The following SPTBN1 variants were observed in gnomAD, a reference collection of about 807,000 sequenced individuals.
SPTBN1 encodes spectrin beta, non-erythrocytic 1, also known as spectrin beta chain, non-erythrocytic 1.
In SPTBN1, 32 loss-of-function variants were observed where a neutral mutation model predicts 266.4. The observed-to-expected ratio is 0.12, with a 90% confidence interval of 0.09 to 0.16. The LOEUF is 0.16. Ranked by LOEUF, SPTBN1 falls within the 10% of genes least tolerant of loss-of-function variation. SPTBN1 has a pLI of 1.00. For synonymous variants in SPTBN1, 1,336 were observed against 1,162.2 expected (o/e 1.15, Z -3.04); for missense variants, 2,296 against 3,067.1 (o/e 0.75, Z 5.94).
At chr2:54,633,005 G>T (rs1678857632) in intron 17 of SPTBN1, among the ~76,000 whole-genome samples, 1 of 152,176 alleles carries the variant, frequency 6.6e-6, no homozygotes, top group Non-Finnish European at 1.5e-5. Flanking sequence ...AGCCTGAGAA[G>T]CCAAGCTAAT....
intron 2 of SPTBN1, among the ~76,000 whole-genome samples, chr2:54,581,842 T>TTGC (rs1049041586): frequency 6.6e-6 from 1 of 152,224 alleles, no homozygotes; most frequent in African/African-American, 2.4e-5. Flanking sequence ...AACATTTTTG[T>TTGC]TGCTGCTGCT....
chr2:54,532,151 TGGTG>T (rs1361649605), intron 2 of SPTBN1, among the ~76,000 whole-genome samples: 1 of 151,898 alleles, frequency 6.6e-6, no homozygotes, highest in African/African-American at 2.4e-5. Flanking sequence ...TAGCTGGGCG[TGGTG>T]GCGGGCGCCT....
intron 30 of SPTBN1, 82 bp downstream of exon 30, chr2:54,658,128 C>G (rs2104194534): frequency 1.3e-6 from 2 of 1,525,200 alleles, no homozygotes; most frequent in Middle Eastern, 4.0e-4. Context: ...AGGGAATTCA[C>G]ACGATTGCTT....
chr2:54,554,306 G>A lies in SPTBN1; in HGVS notation c.148+27740G>A, dbSNP rs1253780835. Among the ~76,000 whole-genome samples, 1 of 152,354 alleles carries A rather than the reference G, an allele frequency of 6.6e-6. No individual in the cohort carries two copies. The highest frequency in any genetic ancestry group is 1.5e-5 in the Non-Finnish European group (1 of 68,036). Reference sequence around the variant, plus strand: ...CATGTGTTGGTTGTGCCACTCACCAGCTGGGGCCCTGGGCAAGGCACTGTA... The same window carrying A: ...CATGTGTTGGTTGTGCCACTCACCAACTGGGGCCCTGGGCAAGGCACTGTA... On this transcript the variant is annotated intron_variant, in intron 2 of 35. Coordinates refer to ENST00000356805, the MANE Select transcript of SPTBN1 (RefSeq NM_003128.3). This position sits in a 1 kb window ranked among gnomAD's most constrained non-coding sequence, Gnocchi z 4.5.
At chr2:54,627,092 A>G (rs555884772) in intron 12 of SPTBN1, among the ~76,000 whole-genome samples, 122 of 151,786 alleles carry the variant, frequency 8.0e-4, no homozygotes, top group African/African-American at 2.8e-3. Flanking sequence ...ACCTTATGCA[A>G]GAGATTCCCT....
At chr2:54,584,645 C>T (rs1470598958) in intron 2 of SPTBN1, among the ~76,000 whole-genome samples, 4 of 152,158 alleles carry the variant, frequency 2.6e-5, no homozygotes, top group African/African-American at 9.7e-5. Flanking sequence ...TATAAGTTTC[C>T]AGCCCTTCCC....
Position 54,493,133 on chromosome 2 carries a change from G to A in SPTBN1, c.-47-33239G>A, listed in dbSNP as rs540288118. 4.0e-5 allele frequency among the ~76,000 whole-genome samples: 6 copies of A among 150,016 alleles called. No homozygotes were observed. The East Asian group carries it at 6.0e-4, about 15-fold the overall frequency. On this transcript the variant is annotated intron_variant, in intron 1 of 35. Transcript: ENST00000356805. ...GGATTCTCCCACCTCAGCCTGCTGC[G>A]TATCTGGGACCACAGGCACACACCA...
In SPTBN1 at chr2:54,631,527, C is replaced by T. The variant is rs2229503; in HGVS notation, c.3480C>T (p.Asn1160=). 269,732 of 1,614,076 alleles carry T rather than the reference C, an allele frequency of 0.17. 23,904 individuals are homozygous for T. Among genetic ancestry groups the T allele is most frequent in the Non-Finnish European group, 0.19 (220,787 of 1,180,014 alleles). ...ACGAGCTCCACAAGATGTGGGAGAACAGACAAAATCTCCTATCCCAGTCAC... is the reference window on the plus strand; with the variant it reads ...ACGAGCTCCACAAGATGTGGGAGAATAGACAAAATCTCCTATCCCAGTCAC... ...GWNELHKMWE[N]RQNLLSQSHA... Residue 1160 remains asparagine (N), a synonymous_variant, in exon 16 of 36, where the codon AAC becomes AAT. Transcript: ENST00000356805.
chr2:54,655,012 C>T, intron 27 of SPTBN1, 58 bp from the exon 28 acceptor site: 1 of 1,556,860 alleles, frequency 6.4e-7, no homozygotes, highest in East Asian at 2.3e-5. Flanking sequence ...GTTTTAAAAC[C>T]TACACATTTT....
chr2:54,667,824 T>C (rs1681464263), intron 35 of SPTBN1, among the ~76,000 whole-genome samples, 178 bp downstream of exon 35: 1 of 152,198 alleles, frequency 6.6e-6, no homozygotes, highest in African/African-American at 2.4e-5. Context: ...GCAGTGAATA[T>C]GATCTCACTG....
At chr2:54,625,871 A>G in intron 11 of SPTBN1, 61 bp from the exon 12 acceptor site, 1 of 1,540,746 alleles carries the variant, frequency 6.5e-7, no homozygotes, top group Admixed American at 1.9e-5. Flanking sequence ...GATTACAAGC[A>G]TGAGCTACTG....
chr2:54,655,232 G>C (rs1405818359), intron 28 of SPTBN1, 24 bp downstream of exon 28: 7 of 1,607,426 alleles, frequency 4.4e-6, no homozygotes, highest in Non-Finnish European at 5.9e-6. Context: ...TTGCTTTGGA[G>C]CTGCAGCTGG....
At chr2:54,569,079 G>A (rs934717731) in intron 2 of SPTBN1, among the ~76,000 whole-genome samples, 3 of 152,188 alleles carry the variant, frequency 2.0e-5, no homozygotes, top group African/African-American at 7.2e-5. Context: ...GTTTGTAGGT[G>A]AAACTTTAAA....
At position 54,540,653 on chromosome 2, in the gene SPTBN1, C is replaced by T. The variant is rs908366365; in HGVS notation, c.148+14087C>T. 1 of 152,204 alleles carries T rather than the reference C, an allele frequency of 6.6e-6. No individual in the cohort carries two copies. The highest frequency in any genetic ancestry group is 1.5e-5 in the Non-Finnish European group (1 of 68,046). The allele number at this position is 152,204 out of a possible 1,614,324, so 9.4% of individuals were successfully genotyped here. A position where few individuals can be genotyped will look rare whatever the true frequency, so the allele number is the denominator to read the frequency against. ...TCAGTAGAGGGCATCTCTAAAGAAACTATCTCCCCAAGGTTGGCCTGCAGT... is the reference window on the plus strand; with the variant it reads ...TCAGTAGAGGGCATCTCTAAAGAAATTATCTCCCCAAGGTTGGCCTGCAGT... On this transcript the variant is annotated intron_variant, in intron 2 of 35. Transcript: ENST00000356805. This position sits in a 1 kb window ranked among gnomAD's most constrained non-coding sequence, Gnocchi z 5.6.
chr2:54,630,311 A>G (rs768576062), intron 15 of SPTBN1, among the ~76,000 whole-genome samples: 1 of 152,236 alleles, frequency 6.6e-6, no homozygotes, highest in Non-Finnish European at 1.5e-5. Flanking sequence ...CCAGTGTAGA[A>G]GGTATTAAGA....
At chr2:54,659,906 C>A in intron 31 of SPTBN1, 30 bp from the exon 32 acceptor site, 3 of 1,608,168 alleles carry the variant, frequency 1.9e-6, no homozygotes, top group Non-Finnish European at 2.6e-6. Context: ...TCTTCCTTTC[C>A]CTTCCTCCTT....
intron 33 of SPTBN1, among the ~76,000 whole-genome samples, chr2:54,665,518 T>G (rs1337844897): frequency 6.6e-6 from 1 of 152,208 alleles, no homozygotes; most frequent in East Asian, 1.9e-4. Flanking sequence ...AATCCGCAGC[T>G]GGAGGAGCTG....
At chr2:54,663,683 G>C (rs1030767376) in intron 32 of SPTBN1, 1 of 152,318 alleles carries the variant, frequency 6.6e-6, no homozygotes, top group Non-Finnish European at 1.5e-5. Flanking sequence ...TTCTGTCTTT[G>C]TTTGGGGGTA....
At chr2:54,466,262 A>T (rs966332121) in intron 1 of SPTBN1, among the ~76,000 whole-genome samples, 1 of 152,210 alleles carries the variant, frequency 6.6e-6, no homozygotes, top group Non-Finnish European at 1.5e-5. Context: ...ATCAATTAGT[A>T]TGAAATTTAG....
Sources: gnomAD v4.1 joint callset for allele counts (sites outside exome capture counted in the v4.1 genomes callset) on GRCh38, gnomAD v4.1.1 for gene constraint, Gnocchi (gnomAD v3.1) non-coding constraint, MANE v1.5 for transcripts, NCBI Gene and HGNC (gene_info 2026-07-23, HGNC 2026-07-21) for gene names.